ARHGEF18: variants seen among roughly 807,000 people sequenced by gnomAD.
ARHGEF18 encodes Rho/Rac guanine nucleotide exchange factor 18, also known as rho guanine nucleotide exchange factor 18.
A neutral mutation model predicts 155.7 loss-of-function variants in ARHGEF18; 93 were observed. That is an observed-to-expected ratio of 0.60 (90% CI 0.50 to 0.71). ARHGEF18 has a LOEUF of 0.71. ARHGEF18 is among the 30% of genes least tolerant of loss of function. The pLI, the probability that ARHGEF18 is intolerant of heterozygous loss-of-function variation, is 0.00. For missense variants in ARHGEF18, 1,593 were observed against 1,816.1 expected (o/e 0.88, Z 2.23); for synonymous variants, 742 against 753.1 (o/e 0.99, Z 0.24).
Position 7,381,009 on chromosome 19 carries a change from C to T in ARHGEF18, c.722+15C>T. ...TTCCTGTCGGAGTAAGTACACAGAT[C>T]TGCTTCTGGGGAGGGCAGCCTTGGA... On this transcript the variant is annotated intron_variant, in intron 8 of 28. Transcript: ENST00000668164. 1 of 1,232,004 alleles carries T rather than the reference C, an allele frequency of 8.1e-7. No individual in the cohort carries two copies. Among genetic ancestry groups the T allele is most frequent in the South Asian group, 4.1e-5 (1 of 24,310 alleles). The allele number at this position is 1,232,004 out of a possible 1,614,324, so 76.3% of individuals were successfully genotyped here. A position where few individuals can be genotyped will look rare whatever the true frequency, so the allele number is the denominator to read the frequency against.
intron 10 of ARHGEF18, among the ~76,000 whole-genome samples, chr19:7,407,709 T>G (rs532893126): frequency 9.9e-5 from 15 of 152,020 alleles, no homozygotes; most frequent in African/African-American, 3.6e-4. Context: ...ATTTTTTCTG[T>G]TAAGAGCTAG....
chr19:7,399,770 C>T (rs1180451548), intron 10 of ARHGEF18, among the ~76,000 whole-genome samples: 1 of 146,868 alleles, frequency 6.8e-6, no homozygotes, highest in Non-Finnish European at 1.5e-5. Flanking sequence ...TGAGCCACCA[C>T]GCCTTTTTTT....
At chr19:7,381,201 T>G (rs538737975) in intron 8 of ARHGEF18, among the ~76,000 whole-genome samples, 1 of 151,758 alleles carries the variant, frequency 6.6e-6, no homozygotes, top group Non-Finnish European at 1.5e-5. Context: ...GGTGACGATG[T>G]AAGCAGGGTT....
the ARHGEF18 span, chr19:7,478,463 G>T: frequency 7.2e-7 from 1 of 1,382,746 alleles, no homozygotes; most frequent in Non-Finnish European, 1.0e-6. Context: ...TACAGTCTGG[G>T]ACAGGTGCTG....
At position 7,435,083 on chromosome 19, in the gene ARHGEF18, T is replaced by C. The variant is rs553464516; in HGVS notation, c.968-5261T>C. Among the ~76,000 whole-genome samples the C allele has an allele frequency of 2.6e-5, 4 of 152,066 alleles. No homozygotes were observed. In the South Asian group the frequency reaches 8.3e-4, roughly 32 times the overall value. On this transcript the variant is annotated intron_variant, in intron 10 of 28. Transcript: ENST00000668164. ...TGGGCGTGGTGGCAGGCACCTGTAA[T>C]CCCAGCTACTCGGGAGGCTGAGGCA...
intron 13 of ARHGEF18, among the ~76,000 whole-genome samples, chr19:7,443,907 G>GA (rs71179114): frequency 0.027 from 3,920 of 142,938 alleles, 95 homozygotes; most frequent in African/African-American, 0.069. Flanking sequence ...CCATCTCAAA[G>GA]AAAAAAAAAA....
Position 7,362,078 on chromosome 19 carries a change from A to C in ARHGEF18, c.-110-703A>C, listed in dbSNP as rs1969611818. On this transcript the variant is annotated intron_variant, in intron 1 of 28. Coordinates refer to ENST00000668164, the MANE Select transcript of ARHGEF18 (RefSeq NM_001367823.1). The stretch of plus-strand genomic sequence containing the variant: ...GAGAAGGAGAAGGAGAAGGAGAAGG[A>C]GAAGGAGAAGGAGAAGGAGAAGGAG... Among the ~76,000 whole-genome samples the C allele has an allele frequency of 4.7e-4, 9 of 19,348 alleles. 1 individual carries two copies. The highest frequency in any genetic ancestry group is 8.7e-4 in the Non-Finnish European group (9 of 10,368). 12.7% of individuals were successfully genotyped at this position (19,348 alleles called of 152,430 possible). A position where few individuals can be genotyped will look rare whatever the true frequency, so the allele number is the denominator to read the frequency against.
intron 10 of ARHGEF18, among the ~76,000 whole-genome samples, chr19:7,402,655 G>T (rs976839180): frequency 1.3e-5 from 2 of 152,128 alleles, no homozygotes; most frequent in Admixed American, 1.3e-4. Context: ...GAAGACTGGG[G>T]GGTAAAGCTA....
intron 7 of ARHGEF18, among the ~76,000 whole-genome samples, chr19:7,380,221 G>A (rs1970659492): frequency 6.6e-6 from 1 of 151,710 alleles, no homozygotes; most frequent in African/African-American, 2.4e-5. Flanking sequence ...GCTCACACCT[G>A]TAATCCCAGC....
At chr19:7,357,376 C>T (rs193150964) in intron 1 of ARHGEF18, among the ~76,000 whole-genome samples, 67 of 152,336 alleles carry the variant, frequency 4.4e-4, no homozygotes, top group African/African-American at 1.5e-3. Flanking sequence ...CCTGCCCAGG[C>T]AGTTGAGGCT....
intron 10 of ARHGEF18, among the ~76,000 whole-genome samples, chr19:7,389,317 A>ATTTTTTT (rs1203819709): frequency 8.9e-6 from 1 of 112,980 alleles, no homozygotes; most frequent in African/African-American, 3.6e-5. Context: ...TACCAGGATA[A>ATTTTTTT]TTTTTTTTTT....
Position 7,395,194 on chromosome 19 carries a change from T to A in ARHGEF18, c.967+11991T>A. Reference sequence around the variant, plus strand: ...GCCGGACGGAGGCATCGGAGGCGGCTGCGAGAGTGGCAGAGGAGCTGGCGG... The same window carrying A: ...GCCGGACGGAGGCATCGGAGGCGGCAGCGAGAGTGGCAGAGGAGCTGGCGG... On this transcript the variant is annotated intron_variant, in intron 10 of 28. Coordinates refer to ENST00000668164, the MANE Select transcript of ARHGEF18 (RefSeq NM_001367823.1). The surrounding 1 kb of genome is among the most constrained non-coding windows in gnomAD (Gnocchi z 5.0). 5 of 986,156 alleles carry A rather than the reference T, an allele frequency of 5.1e-6. No homozygotes were observed. The highest frequency in any genetic ancestry group is 6.0e-6 in the Non-Finnish European group (5 of 830,562). The allele number at this position is 986,156 out of a possible 1,614,324, so 61.1% of individuals were successfully genotyped here. A position where few individuals can be genotyped will look rare whatever the true frequency, so the allele number is the denominator to read the frequency against.
At position 7,393,016 on chromosome 19, in the gene ARHGEF18, C is replaced by G. The variant is rs181218240; in HGVS notation, c.967+9813C>G. ...GAGCTATGATTGTGCCACTGCACTT[C>G]CAGCCTAAGTGACAGAGTGAGATCC... On this transcript the variant is annotated intron_variant, in intron 10 of 28. Transcript: ENST00000668164. 5.1e-3 allele frequency among the ~76,000 whole-genome samples: 692 copies of G among 135,390 alleles called. 9 individuals carry two copies. Among genetic ancestry groups the G allele is most frequent in the African/African-American group, 0.019 (671 of 35,154 alleles). The allele number at this position is 135,390 out of a possible 152,430, so 88.8% of individuals were successfully genotyped here.
At chr19:7,374,762 C>A (rs117859479) in intron 3 of ARHGEF18, among the ~76,000 whole-genome samples, 1 of 152,090 alleles carries the variant, frequency 6.6e-6, no homozygotes, top group Non-Finnish European at 1.5e-5. Context: ...GCTGAGAGTA[C>A]GGCCACGATC....
rs747203336 is a variant in ARHGEF18, at chr19:7,447,178, AT to A, written c.1737+21del. On this transcript the variant is annotated intron_variant, in intron 15 of 28. Transcript: ENST00000668164. ...TCAAAACTTGATCAAGGTAAAAACA[AT>A]TTTTTTTTTTAATCAAAAACTTATA... 2.4e-3 allele frequency: 3,275 copies of A among 1,361,556 alleles called. No homozygotes were observed. Among genetic ancestry groups the A allele is most frequent in the Admixed American group, 5.5e-3 (268 of 49,040 alleles). 84.3% of individuals were successfully genotyped at this position (1,361,556 alleles called of 1,614,324 possible).
Position 7,381,106 on chromosome 19 carries a change from T to A in ARHGEF18, c.722+112T>A, listed in dbSNP as rs1970712550. 1.3e-5 allele frequency: 10 copies of A among 783,276 alleles called. No homozygotes were observed. In the Admixed American group the frequency reaches 4.3e-4, roughly 34 times the overall value. The allele number at this position is 783,276 out of a possible 1,614,324, so 48.5% of individuals were successfully genotyped here. ...CTGGGGGCAGGAGCTGGAGCCCCCA[T>A]CAGGGCAATGGTGGGAGCTGGCAGG... On this transcript the variant is annotated intron_variant, in intron 8 of 28. Transcript: ENST00000668164.
At chr19:7,473,612 C>T (rs1328162309), downstream of ARHGEF18, among the ~76,000 whole-genome samples, 5 of 151,822 alleles carry the variant, frequency 3.3e-5, no homozygotes, top group South Asian at 2.1e-4. Flanking sequence ...GAGATCGAGA[C>T]CATCCTGGCT....
Position 7,395,053 on chromosome 19 carries a change from T to A in ARHGEF18, c.967+11850T>A, listed in dbSNP as rs1971612502. ...AGCGCCCCGCCCTCGAGGGCACGCC[T>A]CCTTCCGGGTCACGCCCTCTGCCCC... On this transcript the variant is annotated intron_variant, in intron 10 of 28. Transcript: ENST00000668164. This position sits in a 1 kb window ranked among gnomAD's most constrained non-coding sequence, Gnocchi z 5.0. The A allele has an allele frequency of 6.1e-6, 6 of 985,170 alleles. No individual in the cohort carries two copies. The South Asian group carries it at 2.8e-4, about 46-fold the overall frequency. 61.0% of individuals were successfully genotyped at this position (985,170 alleles called of 1,614,324 possible).
At chr19:7,409,220 C>T (rs147687462) in intron 10 of ARHGEF18, among the ~76,000 whole-genome samples, 324 of 150,194 alleles carry the variant, frequency 2.2e-3, no homozygotes, top group Middle Eastern at 0.017. Flanking sequence ...CCACCTCGCC[C>T]GGCTAATTTT....
Sources: allele counts gnomAD v4.1 joint callset (sites outside exome capture counted in the v4.1 genomes callset), GRCh38; gene constraint gnomAD v4.1.1; non-coding constraint Gnocchi (gnomAD v3.1); transcripts MANE v1.5; gene names NCBI Gene and HGNC (gene_info 2026-07-23, HGNC 2026-07-21).